Variants in TPD52 observed in about 807,000 individuals in gnomAD.
TPD52 encodes tumor protein D52.
In TPD52, 17 loss-of-function variants were observed where a neutral mutation model predicts 31.3. The observed-to-expected ratio is 0.54, with a 90% confidence interval of 0.37 to 0.82. The LOEUF is 0.82. TPD52 is among the 40% of genes least tolerant of loss of function. The pLI is 0.00. For missense variants in TPD52, 212 were observed against 240.1 expected (o/e 0.88, Z 0.77); for synonymous variants, 83 against 89.6 (o/e 0.93, Z 0.42).
chr8:80,052,584 G>A, intron 3 of TPD52: 1 of 1,282,572 alleles, frequency 7.8e-7, no homozygotes, highest in Non-Finnish European at 1.0e-6. Flanking sequence ...TAGTTAAATT[G>A]TAAAACAACT....
Position 80,038,037 on chromosome 8 carries a change from T to C in TPD52, c.*79A>G. 9 of 1,560,786 alleles carry C rather than the reference T, an allele frequency of 5.8e-6. No individual in the cohort carries two copies. The highest frequency in any genetic ancestry group is 7.9e-6 in the Non-Finnish European group (9 of 1,146,038). ...TAAAAGCACATCTGGTAGAAATTCA[T>C]GGCAATGCATGTTGACAAGATGTGC... On this transcript the variant is annotated 3_prime_UTR_variant, in exon 8 of 8. Coordinates refer to ENST00000518937, the MANE Select transcript of TPD52 (RefSeq NM_001025253.3).
rs1266034254 is a variant in TPD52, at chr8:80,036,652, A to G, written c.*1464T>C. 1 of 152,666 alleles carries G rather than the reference A, an allele frequency of 6.6e-6. No individual in the cohort carries two copies. The highest frequency in any genetic ancestry group is 1.5e-5 in the Non-Finnish European group (1 of 68,036). The allele number at this position is 152,666 out of a possible 1,614,324, so 9.5% of individuals were successfully genotyped here. On this transcript the variant is annotated 3_prime_UTR_variant, in exon 8 of 8. Transcript: ENST00000518937. ...ATAGCACATAGTTTTAATTGCATCC[A>G]AAGTACTAACAAAAACTCTAGCAAT...
intron 1 of TPD52, among the ~76,000 whole-genome samples, chr8:80,129,889 G>A (rs1265679687): frequency 6.6e-5 from 10 of 151,964 alleles, no homozygotes; most frequent in Admixed American, 2.6e-4. Flanking sequence ...TAGTAGAGAC[G>A]GGGTTTCACC....
chr8:80,044,141 CTA>C lies in TPD52; in HGVS notation c.455+24_455+25del, dbSNP rs775547277. 7 of 1,571,408 alleles carry C rather than the reference CTA, an allele frequency of 4.5e-6. No homozygotes were observed. The South Asian group carries it at 8.3e-5, about 19-fold the overall frequency. On this transcript the variant is annotated intron_variant, in intron 6 of 7. Transcript: ENST00000518937. Reference sequence around the variant, plus strand: ...AAAGAAAAATAAAGCATAAGACCAACTACATTTCATAAAAATATACTTTACCT... The same window carrying C: ...AAAGAAAAATAAAGCATAAGACCAACCATTTCATAAAAATATACTTTACCT...
chr8:80,092,697 A>C (rs1330855446), intron 1 of TPD52, among the ~76,000 whole-genome samples: 4 of 152,206 alleles, frequency 2.6e-5, no homozygotes, highest in Non-Finnish European at 5.9e-5. Context: ...GTTCTCACTC[A>C]AGTGGAGCTA....
chr8:80,095,843 G>T (rs1816684607), intron 1 of TPD52, among the ~76,000 whole-genome samples: 2 of 152,342 alleles, frequency 1.3e-5, no homozygotes, highest in South Asian at 4.1e-4. Context: ...AGCTACTCAG[G>T]AGGCTGAGGC....
chr8:80,034,435 C>CCCTTGCTGCAGCTGGTGT (rs1809778919), downstream of TPD52, among the ~76,000 whole-genome samples: 1 of 152,188 alleles, frequency 6.6e-6, no homozygotes, highest in Non-Finnish European at 1.5e-5. Context: ...AGCCATGCTT[C>CCCTTGCTGCAGCTGGTGT]CCTTGCTGCA....
At chr8:80,153,381 G>A (rs188809500) in intron 1 of TPD52, among the ~76,000 whole-genome samples, 29 of 152,248 alleles carry the variant, frequency 1.9e-4, no homozygotes, top group African/African-American at 5.5e-4. Context: ...TCCTCAAAGG[G>A]AGCAATGATC....
intron 1 of TPD52, among the ~76,000 whole-genome samples, chr8:80,097,814 G>A (rs1806445758): frequency 6.6e-6 from 1 of 152,160 alleles, no homozygotes; most frequent in Non-Finnish European, 1.5e-5. Flanking sequence ...CCTTTTATTG[G>A]AAGAAAATGC....
chr8:80,098,425 C>T (rs1413396818), intron 1 of TPD52, among the ~76,000 whole-genome samples: 1 of 152,158 alleles, frequency 6.6e-6, no homozygotes, highest in Non-Finnish European at 1.5e-5. Context: ...GAGGTTAAAA[C>T]ATAGCATAAC....
At chr8:80,102,333 A>G (rs1806804172) in intron 1 of TPD52, among the ~76,000 whole-genome samples, 1 of 152,176 alleles carries the variant, frequency 6.6e-6, no homozygotes. Context: ...TGACCTCTTT[A>G]TGGACCTGAT....
rs1802745 is a variant in TPD52 at position 80,038,071 on chromosome 8, C to T, written c.*45G>A. 3.2e-3 allele frequency: 5,116 copies of T among 1,606,076 alleles called. 134 individuals are homozygous for T. In the African/African-American group the frequency reaches 0.058, roughly 18 times the overall value. ...ATGTTGACAAGATGTGCTTGGACCT[C>T]GCTTGCAGCATCTGGCAGTGGGTAG... On this transcript the variant is annotated 3_prime_UTR_variant, in exon 8 of 8. Transcript: ENST00000518937.
intron 1 of TPD52, among the ~76,000 whole-genome samples, chr8:80,132,009 TA>T (rs1410853086): frequency 6.7e-6 from 1 of 150,346 alleles, no homozygotes; most frequent in Non-Finnish European, 1.5e-5. Context: ...AATAGGATAA[TA>T]AAAATCTATT....
chr8:80,045,035 G>T (rs1810709271), intron 5 of TPD52, among the ~76,000 whole-genome samples: 1 of 152,120 alleles, frequency 6.6e-6, no homozygotes, highest in Non-Finnish European at 1.5e-5. Flanking sequence ...TGTGATATAT[G>T]TCAAATATGC....
At chr8:80,046,661 G>A (rs1204526003) in intron 5 of TPD52, among the ~76,000 whole-genome samples, 1 of 151,984 alleles carries the variant, frequency 6.6e-6, no homozygotes, top group Admixed American at 6.6e-5. Context: ...TGTTAAAAAT[G>A]TTGCATCTTA....
intron 1 of TPD52, among the ~76,000 whole-genome samples, chr8:80,140,123 G>A (rs919063): frequency 0.51 from 77,368 of 151,766 alleles, 20,210 homozygotes; most frequent in East Asian, 0.78. Flanking sequence ...TTCGATGCCT[G>A]CATAAATGCT....
Position 80,119,398 on chromosome 8 carries a change from C to T in TPD52, c.19+52027G>A, listed in dbSNP as rs116745284. Among the ~76,000 whole-genome samples, 837 of 152,170 alleles carry T rather than the reference C, an allele frequency of 5.5e-3. 4 individuals carry two copies. The highest frequency in any genetic ancestry group is 0.019 in the African/African-American group (780 of 41,520). ...ACCAATGAATTATAGATTGAATGAG[C>T]TGTATGGTTATCAGAATTATATCTT... On this transcript the variant is annotated intron_variant, in intron 1 of 7. Transcript: ENST00000518937.
intron 5 of TPD52, among the ~76,000 whole-genome samples, chr8:80,046,917 G>A (rs999689835): frequency 4.6e-5 from 7 of 152,140 alleles, no homozygotes; most frequent in Non-Finnish European, 1.0e-4. Context: ...GAGAGGAGGG[G>A]GTAGAGGGAG....
downstream of TPD52, chr8:80,033,317 T>TC (rs1809739803): frequency 5.6e-5 from 1 of 17,874 alleles, no homozygotes; most frequent in East Asian, 1.6e-3. Context: ...GGGAGGGGGG[T>TC]TGGGGGGGGG....
Sources: allele counts gnomAD v4.1 joint callset (sites outside exome capture counted in the v4.1 genomes callset), GRCh38; gene constraint gnomAD v4.1.1; transcripts MANE v1.5; gene names NCBI Gene and HGNC (gene_info 2026-07-23, HGNC 2026-07-21).